Variants in REV3L observed in about 807,000 individuals in gnomAD.
REV3L encodes REV3 like, DNA directed polymerase zeta catalytic subunit, also known as DNA polymerase zeta catalytic subunit.
In REV3L, 69 loss-of-function variants were observed where a neutral mutation model predicts 299.4. That is an observed-to-expected ratio of 0.23 (90% CI 0.19 to 0.28). The LOEUF is 0.28. REV3L is among the 10% of genes least tolerant of loss of function. The pLI is 1.00. For missense variants in REV3L, 3,128 were observed against 3,693.8 expected, an observed-to-expected ratio of 0.85 and a Z score of 3.97; for synonymous variants, 1,238 against 1,271.4, an observed-to-expected ratio of 0.97 and a Z score of 0.56.
intron 26 of REV3L, among the ~76,000 whole-genome samples, chr6:111,316,197 TACTGC>T (rs973937380): frequency 6.9e-6 from 1 of 144,108 alleles, no homozygotes. Flanking sequence ...GAGATTATAC[TACTGC>T]ACTGCAGCTT....
At chr6:111,426,768 A>C (rs537609507) in intron 1 of REV3L, among the ~76,000 whole-genome samples, 18 of 152,368 alleles carry the variant, frequency 1.2e-4, no homozygotes. Flanking sequence ...ATGAAACTAT[A>C]TGGGTACTGC....
In REV3L at chr6:111,307,531, C is replaced by T. The variant is rs771885684; in HGVS notation, c.9082G>A (p.Gly3028Arg). ...ATSSSRSEPE[G>R]RKGTISQYFT... ...TATTGTGAAATAGTGCCTTTCCGCC[C>T]TTCAGGTTCACTTCGCGAGGAGCTG... The change falls in exon 31 of 32, where the codon GGG becomes AGG. Residue 3028 changes from glycine (G) to arginine (R), a missense_variant. Coordinates refer to ENST00000368802, the MANE Select transcript of REV3L (RefSeq NM_001372078.1). 5.0e-5 allele frequency: 81 copies of T among 1,614,078 alleles called. 1 individual carries two copies. The East Asian group carries it at 1.8e-3, about 35-fold the overall frequency.
chr6:111,299,338 C>CA lies in REV3L; in HGVS notation c.*677dup, dbSNP rs1428077973. On this transcript the variant is annotated 3_prime_UTR_variant, in exon 32 of 32. Transcript: ENST00000368802. Reference sequence around the variant, plus strand: ...TTGCAACAGGCCCACAGGTTTGTAACAAAAATGTCTTTGCACAGTTCCTCA... The same window carrying CA: ...TTGCAACAGGCCCACAGGTTTGTAACAAAAAATGTCTTTGCACAGTTCCTCA... 1 of 152,400 alleles carries CA rather than the reference C, an allele frequency of 6.6e-6. No homozygotes were observed. Among genetic ancestry groups the CA allele is most frequent in the African/African-American group, 2.4e-5 (1 of 41,418 alleles). The allele number at this position is 152,400 out of a possible 1,614,324, so 9.4% of individuals were successfully genotyped here. A position where few individuals can be genotyped will look rare whatever the true frequency, so the allele number is the denominator to read the frequency against.
intron 4 of REV3L, among the ~76,000 whole-genome samples, chr6:111,401,034 G>A (rs1210507678): frequency 6.6e-6 from 1 of 152,114 alleles, no homozygotes; most frequent in Non-Finnish European, 1.5e-5. Flanking sequence ...CTTTGTCAAA[G>A]TTAAGTTGAC....
chr6:111,412,121 T>G (rs1582891183), intron 2 of REV3L: 2 of 985,124 alleles, frequency 2.0e-6, no homozygotes, highest in Non-Finnish European at 2.4e-6. Context: ...ACCTATTATA[T>G]GTACACACAG....
At chr6:111,334,728 A>T (rs894621196) in intron 22 of REV3L, among the ~76,000 whole-genome samples, 8 of 152,206 alleles carry the variant, frequency 5.3e-5, no homozygotes, top group African/African-American at 1.9e-4. Context: ...TATAAATAAA[A>T]TAAATAGCTT....
intron 25 of REV3L, among the ~76,000 whole-genome samples, chr6:111,322,932 C>A (rs1402887400): frequency 6.6e-6 from 1 of 151,914 alleles, no homozygotes; most frequent in Admixed American, 6.6e-5. Context: ...GTGGACTGCA[C>A]TTGTTACAAG....
At chr6:111,358,794 G>T (rs1778354600) in intron 17 of REV3L, 28 bp downstream of exon 17, 5 of 1,550,070 alleles carry the variant, frequency 3.2e-6, no homozygotes, top group Non-Finnish European at 4.4e-6. Context: ...GAGTGGGCAG[G>T]TATATCATTA....
At chr6:111,333,640 A>G (rs1021240221) in intron 22 of REV3L, among the ~76,000 whole-genome samples, 1 of 151,670 alleles carries the variant, frequency 6.6e-6, no homozygotes, top group African/African-American at 2.4e-5. Context: ...ATGTCCAGCT[A>G]ATTTTTTGTA....
intron 22 of REV3L, 110 bp from the exon 23 acceptor site, chr6:111,333,477 C>T: frequency 1.0e-6 from 1 of 1,000,860 alleles, no homozygotes; most frequent in Non-Finnish European, 1.4e-6. Flanking sequence ...GATTGTATGA[C>T]TTTTTTTTTT....
intron 20 of REV3L, among the ~76,000 whole-genome samples, chr6:111,347,226 ACCAC>A: frequency 6.6e-6 from 1 of 151,980 alleles, no homozygotes; most frequent in Non-Finnish European, 1.5e-5. Context: ...CCGAGACTGC[ACCAC>A]TGCACTCCAT....
chr6:111,415,930 A>T (rs935742249), intron 2 of REV3L, among the ~76,000 whole-genome samples: 1 of 152,198 alleles, frequency 6.6e-6, no homozygotes, highest in Admixed American at 6.5e-5. Context: ...TGTAACTTCC[A>T]CATGGGCAGG....
At chr6:111,356,074 T>C (rs1424898134) in intron 18 of REV3L, among the ~76,000 whole-genome samples, 1 of 152,188 alleles carries the variant, frequency 6.6e-6, no homozygotes, top group Non-Finnish European at 1.5e-5. Context: ...GACAAGTCTG[T>C]AGAATATCAT....
At chr6:111,307,806 T>G (rs977686748) in intron 30 of REV3L, 1 of 476,602 alleles carries the variant, frequency 2.1e-6, no homozygotes, top group Non-Finnish European at 3.7e-6. Context: ...ATTTTTTTTT[T>G]ATTATTATAA....
chr6:111,421,792 G>A (rs1185761690), intron 1 of REV3L, among the ~76,000 whole-genome samples: 1 of 152,056 alleles, frequency 6.6e-6, no homozygotes, highest in Non-Finnish European at 1.5e-5. Flanking sequence ...GAAAAACTTG[G>A]TATGTGAGCA....
chr6:111,398,034 C>T (rs900801002), intron 4 of REV3L, among the ~76,000 whole-genome samples: 10 of 142,796 alleles, frequency 7.0e-5, no homozygotes, highest in Admixed American at 6.9e-4. Context: ...ATTGTATTGG[C>T]TAGTTGGGGA....
intron 25 of REV3L, 112 bp from the exon 26 acceptor site, chr6:111,322,790 A>G (rs1774329759): frequency 2.6e-5 from 20 of 770,056 alleles, no homozygotes; most frequent in Non-Finnish European, 3.8e-5. Context: ...TGAAACGAGA[A>G]AAGAACGTAA....
chr6:111,411,521 G>A lies in REV3L; in HGVS notation c.363C>T (p.His121=). 1 of 1,590,120 alleles carries A rather than the reference G, an allele frequency of 6.3e-7. No individual in the cohort carries two copies. The highest frequency in any genetic ancestry group is 8.6e-7 in the Non-Finnish European group (1 of 1,165,074). Residue 121 remains histidine, a synonymous_variant, in exon 3 of 32, where the codon CAC becomes CAT. Coordinates refer to ENST00000368802, the MANE Select transcript of REV3L (RefSeq NM_001372078.1). ...PFYGYHEKER[H]FMKIYLYNPT... ...GATTGTAAAGATAGATCTTCATAAAGTGTCTTTCCTTCTCATGATAACCAT... is the reference window on the plus strand; with the variant it reads ...GATTGTAAAGATAGATCTTCATAAAATGTCTTTCCTTCTCATGATAACCAT...
chr6:111,469,551 T>A (rs1226932691), intron 1 of REV3L, among the ~76,000 whole-genome samples: 4 of 152,162 alleles, frequency 2.6e-5, no homozygotes, highest in African/African-American at 9.7e-5. Flanking sequence ...ACTCTGGAAT[T>A]GGCCATGTTG....
Sources: gnomAD v4.1 joint callset for allele counts (sites outside exome capture counted in the v4.1 genomes callset) on GRCh38, gnomAD v4.1.1 for gene constraint, MANE v1.5 for transcripts, NCBI Gene and HGNC (gene_info 2026-07-23, HGNC 2026-07-21) for gene names.